The following RSRC1 variants were observed in gnomAD, a reference collection of about 807,000 sequenced individuals.
RSRC1 encodes the protein arginine and serine rich coiled-coil 1, also known as serine/Arginine-related protein 53.
RSRC1 carries 39 observed loss-of-function variants against 49.1 expected under a neutral mutation model. That is an observed-to-expected ratio of 0.79 (90% CI 0.61 to 1.04). The LOEUF is 1.04. RSRC1 is among the 50% of genes least tolerant of loss of function. RSRC1 has a pLI of 0.00. For synonymous variants in RSRC1, 143 were observed against 130.8 expected, an observed-to-expected ratio of 1.09 and a Z score of -0.63; for missense variants, 388 against 402.4, an observed-to-expected ratio of 0.96 and a Z score of 0.31.
intron 4 of RSRC1, among the ~76,000 whole-genome samples, chr3:158,258,208 CTTTTTTTTTTTT>C (rs71144451): frequency 1.1e-4 from 7 of 65,776 alleles, no homozygotes; most frequent in African/African-American, 3.5e-4. Flanking sequence ...TCCTTTTAAC[CTTTTTTTTTTTT>C]TTTTTTTTTT....
At chr3:158,481,404 C>T (rs1205654880) in intron 7 of RSRC1, among the ~76,000 whole-genome samples, 1 of 151,988 alleles carries the variant, frequency 6.6e-6, no homozygotes, top group Non-Finnish European at 1.5e-5. Flanking sequence ...GTTCTCTTAT[C>T]TGAAAAATTG....
chr3:158,235,834 C>G (rs962784504), intron 4 of RSRC1, among the ~76,000 whole-genome samples: 1 of 151,916 alleles, frequency 6.6e-6, no homozygotes, highest in African/African-American at 2.4e-5. Flanking sequence ...AAAAATAAAC[C>G]AGGCCAGGGG....
intron 4 of RSRC1, among the ~76,000 whole-genome samples, chr3:158,271,289 A>G (rs1725503836): frequency 6.6e-6 from 1 of 152,124 alleles, no homozygotes. Context: ...ATATATAGCA[A>G]TATTGTTTCC....
At chr3:158,441,314 A>C (rs1365474366) in intron 6 of RSRC1, among the ~76,000 whole-genome samples, 1 of 152,172 alleles carries the variant, frequency 6.6e-6, no homozygotes, top group Non-Finnish European at 1.5e-5. Context: ...TGAAGAGACA[A>C]AGTCTACTAA....
intron 1 of RSRC1, among the ~76,000 whole-genome samples, chr3:158,113,246 G>A (rs1189162075): frequency 2.0e-5 from 3 of 152,054 alleles, no homozygotes; most frequent in Admixed American, 6.5e-5. Context: ...AGTATCACCC[G>A]TTCTGGACAA....
chr3:158,520,957 A>G (rs951388662), intron 7 of RSRC1, among the ~76,000 whole-genome samples: 1 of 152,138 alleles, frequency 6.6e-6, no homozygotes, highest in Non-Finnish European at 1.5e-5. Flanking sequence ...TTCCCTGGTT[A>G]TTCCCTGGTT....
In RSRC1 at chr3:158,520,080, A is replaced by G. The variant is rs575345567; in HGVS notation, c.653-17012A>G. 2.6e-5 allele frequency among the ~76,000 whole-genome samples: 4 copies of G among 152,324 alleles called. No individual in the cohort carries two copies. In the East Asian group the frequency reaches 5.8e-4, roughly 22 times the overall value. ...GAAATAGAATCCTTCTATTAAGGTC[A>G]GCCTTGAGTAGTTTCAAGGACAGTC... On this transcript the variant is annotated intron_variant, in intron 7 of 9. Transcript: ENST00000611884.
At chr3:158,518,567 A>G (rs1163552251) in intron 7 of RSRC1, among the ~76,000 whole-genome samples, 3 of 152,094 alleles carry the variant, frequency 2.0e-5, no homozygotes, top group African/African-American at 4.8e-5. Flanking sequence ...CATTTAATTT[A>G]TCATATATCC....
chr3:158,218,024 G>T (rs534193720), intron 4 of RSRC1, among the ~76,000 whole-genome samples: 1 of 151,704 alleles, frequency 6.6e-6, no homozygotes, highest in Non-Finnish European at 1.5e-5. Flanking sequence ...ACACTGATAC[G>T]AACAGGGACT....
intron 6 of RSRC1, among the ~76,000 whole-genome samples, chr3:158,439,886 A>G (rs1736285867): frequency 6.6e-6 from 1 of 152,140 alleles, no homozygotes; most frequent in African/African-American, 2.4e-5. Flanking sequence ...CGACAAGAGC[A>G]ACTAGCTCTG....
At chr3:158,495,887 C>T (rs1397418455) in intron 7 of RSRC1, among the ~76,000 whole-genome samples, 1 of 152,180 alleles carries the variant, frequency 6.6e-6, no homozygotes, top group East Asian at 1.9e-4. Context: ...TTGCCCTTTA[C>T]GGCAAAAGTT....
In RSRC1 at chr3:158,461,142, A is replaced by C. The variant is rs145960741; in HGVS notation, c.652+139A>C. ...CAAAACTATGACACAATAGCACACT[A>C]TATTCATTGTCTTGGACACTAATGT... On this transcript the variant is annotated intron_variant, in intron 7 of 9. Transcript: ENST00000611884. 6 of 487,684 alleles carry C rather than the reference A, an allele frequency of 1.2e-5. No individual in the cohort carries two copies. The East Asian group carries it at 2.0e-4, about 16-fold the overall frequency. 30.2% of individuals were successfully genotyped at this position (487,684 alleles called of 1,614,324 possible). A position where few individuals can be genotyped will look rare whatever the true frequency, so the allele number is the denominator to read the frequency against.
At chr3:158,379,814 G>GCATGCACA (rs1553796316) in intron 6 of RSRC1, among the ~76,000 whole-genome samples, 1 of 146,928 alleles carries the variant, frequency 6.8e-6, no homozygotes, top group African/African-American at 2.5e-5. Context: ...ACACGCGCAT[G>GCATGCACA]CACACACACA....
intron 4 of RSRC1, among the ~76,000 whole-genome samples, chr3:158,214,788 A>G (rs970734124): frequency 3.3e-5 from 5 of 151,872 alleles, no homozygotes; most frequent in African/African-American, 7.2e-5. Flanking sequence ...CAAAAAACAT[A>G]CTTTGTATGA....
intron 3 of RSRC1, among the ~76,000 whole-genome samples, chr3:158,153,712 C>T (rs1717688082): frequency 6.6e-6 from 1 of 152,046 alleles, no homozygotes; most frequent in Non-Finnish European, 1.5e-5. Flanking sequence ...TAAGGAAAGC[C>T]GAATACCTCT....
rs573309720 is a variant in RSRC1 at position 158,147,037 on chromosome 3, G to C, written c.320+23046G>C. ...GCTGCTTGTGCTGCTGCTGTTGCTG[G>C]TGGTAGTGCTGCTGCCTCCCCCTCC... On this transcript the variant is annotated intron_variant, in intron 3 of 9. Coordinates refer to ENST00000611884, the MANE Select transcript of RSRC1 (RefSeq NM_001271838.2). Among the ~76,000 whole-genome samples the C allele has an allele frequency of 2.7e-5, 4 of 149,686 alleles. No homozygotes were observed. The East Asian group carries it at 7.8e-4, about 29-fold the overall frequency.
chr3:158,391,596 T>C (rs1235645522), intron 6 of RSRC1, among the ~76,000 whole-genome samples: 2 of 152,258 alleles, frequency 1.3e-5, no homozygotes, highest in East Asian at 3.9e-4. Context: ...AGCATTCATT[T>C]GCCAGAAGCT....
chr3:158,421,114 G>C (rs1243601594), intron 6 of RSRC1, among the ~76,000 whole-genome samples: 2 of 151,986 alleles, frequency 1.3e-5, no homozygotes, highest in Non-Finnish European at 2.9e-5. Context: ...TGAAATCAGG[G>C]AAGTCCCAGG....
At chr3:158,122,979 T>C (rs1402943197) in intron 2 of RSRC1, among the ~76,000 whole-genome samples, 1 of 152,204 alleles carries the variant, frequency 6.6e-6, no homozygotes, top group Non-Finnish European at 1.5e-5. Context: ...CAGTCTGTCA[T>C]TGATGGACAT....
Sources: gnomAD v4.1 joint callset for allele counts (sites outside exome capture counted in the v4.1 genomes callset) on GRCh38, gnomAD v4.1.1 for gene constraint, MANE v1.5 for transcripts, NCBI Gene and HGNC (gene_info 2026-07-23, HGNC 2026-07-21) for gene names.